Variants in ADAMTSL3 observed in about 807,000 individuals in gnomAD.
ADAMTSL3 encodes ADAMTS like 3.
A neutral mutation model predicts 201.7 loss-of-function variants in ADAMTSL3; 128 were observed. That is an observed-to-expected ratio of 0.63 (90% confidence interval 0.55 to 0.73). The LOEUF is 0.73. Among genes scored for constraint, ADAMTSL3 ranks in the 30% least tolerant of loss-of-function variants. The probability of loss-of-function intolerance (pLI) is 0.00; values close to 1 mark genes in which losing one functional copy is unlikely to be tolerated. For synonymous variants in ADAMTSL3, 738 were observed against 748.4 expected, an observed-to-expected ratio of 0.99 and a Z score of 0.23; for missense variants, 1,990 against 2,119.6, an observed-to-expected ratio of 0.94 and a Z score of 1.20.
intron 8 of ADAMTSL3, among the ~76,000 whole-genome samples, chr15:83,865,600 A>T (rs1486750250): frequency 6.6e-6 from 1 of 152,222 alleles, no homozygotes; most frequent in Non-Finnish European, 1.5e-5. Flanking sequence ...TGCACCTTAT[A>T]CAAAAATTAA....
At chr15:83,939,005 A>T (rs2066508706) in intron 17 of ADAMTSL3, among the ~76,000 whole-genome samples, 1 of 152,158 alleles carries the variant, frequency 6.6e-6, no homozygotes, top group East Asian at 1.9e-4. Flanking sequence ...ATATCTGTTA[A>T]CATTTACAAA....
chr15:83,679,038 T>G (rs2061444937), intron 2 of ADAMTSL3, among the ~76,000 whole-genome samples: 1 of 151,448 alleles, frequency 6.6e-6, no homozygotes, highest in Non-Finnish European at 1.5e-5. Context: ...ATTTTCTTTC[T>G]GTTGTTCATA....
rs1596299360 is a variant in ADAMTSL3 at position 83,838,145 on chromosome 15, C to T, written c.657C>T (p.Val219=). The T allele has an allele frequency of 6.2e-7, 1 of 1,613,444 alleles. No individual in the cohort carries two copies. The highest frequency in any genetic ancestry group is 2.2e-5 in the East Asian group (1 of 44,828). Residue 219 remains valine, a synonymous_variant, in exon 7 of 30, where the codon GTC becomes GTT. Transcript: ENST00000286744. The part of the protein sequence containing the change: ...GSNAKEDNCG[V]CAGDGSTCRL... ...ATGCCAAGGAGGACAACTGTGGAGT[C>T]TGTGCCGGCGATGGCTCCACCTGCA...
chr15:84,014,889 A>G (rs1357266540), intron 24 of ADAMTSL3, among the ~76,000 whole-genome samples, 165 bp downstream of exon 24: 1 of 151,588 alleles, frequency 6.6e-6, no homozygotes, highest in Non-Finnish European at 1.5e-5. Context: ...CTAACACCCT[A>G]TTTTACCACC....
Position 84,036,996 on chromosome 15 carries a change from A to G in ADAMTSL3, c.4969+9A>G. 1.2e-6 allele frequency: 2 copies of G among 1,612,508 alleles called. No homozygotes were observed. The highest frequency in any genetic ancestry group is 1.7e-6 in the Non-Finnish European group (2 of 1,179,370). ...TGGGCCCTCCTGTGATAGTACGTAC[A>G]CCTCCCAGGTATCTCCACTGCCCCA... On this transcript the variant is annotated intron_variant, in intron 29 of 29. Coordinates refer to ENST00000286744, the MANE Select transcript of ADAMTSL3 (RefSeq NM_207517.3).
intron 15 of ADAMTSL3, among the ~76,000 whole-genome samples, chr15:83,903,950 A>AGGGAGGGAGGGAGGGAGG (rs1567226158): frequency 2.5e-5 from 1 of 40,314 alleles, no homozygotes; most frequent in African/African-American, 1.8e-4. Flanking sequence ...AAAAAGAAAA[A>AGGGAGGGAGGGAGGGAGG]AGAAAGAAAG....
intron 9 of ADAMTSL3, 40 bp from the exon 10 acceptor site, chr15:83,885,061 C>G (rs1349357523): frequency 1.4e-6 from 2 of 1,395,546 alleles, no homozygotes; most frequent in African/African-American, 2.9e-5. Context: ...AGCACTAGCT[C>G]CTTGTTTGCA....
At chr15:83,773,967 C>T (rs2063029763) in intron 4 of ADAMTSL3, among the ~76,000 whole-genome samples, 1 of 152,106 alleles carries the variant, frequency 6.6e-6, no homozygotes, top group Non-Finnish European at 1.5e-5. Flanking sequence ...CTGAGTTCTG[C>T]CCTTGGGTTG....
At chr15:83,801,673 T>TAA (rs1567154149) in intron 4 of ADAMTSL3, among the ~76,000 whole-genome samples, 2 of 72,580 alleles carry the variant, frequency 2.8e-5, no homozygotes, top group Non-Finnish European at 6.2e-5. Context: ...TATATATATA[T>TAA]ATATATATAT....
intron 4 of ADAMTSL3, among the ~76,000 whole-genome samples, chr15:83,790,877 A>G (rs2141824437): frequency 6.6e-6 from 1 of 152,350 alleles, no homozygotes; most frequent in African/African-American, 2.4e-5. Flanking sequence ...ATAGATAACA[A>G]AATTTAAAAA....
At chr15:83,963,233 A>G (rs2067006844) in intron 19 of ADAMTSL3, among the ~76,000 whole-genome samples, 1 of 152,164 alleles carries the variant, frequency 6.6e-6, no homozygotes, top group Non-Finnish European at 1.5e-5. Context: ...ACCCCCACAG[A>G]GCCCAGCAAG....
intron 3 of ADAMTSL3, among the ~76,000 whole-genome samples, chr15:83,749,752 C>T (rs2062608496): frequency 6.6e-6 from 1 of 152,078 alleles, no homozygotes; most frequent in Non-Finnish European, 1.5e-5. Context: ...AGGAAGATGG[C>T]CATAGACTAG....
At chr15:83,714,252 G>C (rs1324729433) in intron 3 of ADAMTSL3, among the ~76,000 whole-genome samples, 1 of 152,130 alleles carries the variant, frequency 6.6e-6, no homozygotes. Flanking sequence ...AATGAAACTG[G>C]TAGCCTGAGA....
chr15:83,773,291 C>T (rs1306865704), intron 3 of ADAMTSL3, among the ~76,000 whole-genome samples: 1 of 151,782 alleles, frequency 6.6e-6, no homozygotes, highest in Non-Finnish European at 1.5e-5. Flanking sequence ...GCCTGTAATC[C>T]CAGCTACTCA....
At position 83,991,214 on chromosome 15, in the gene ADAMTSL3, G is replaced by A; in HGVS notation, c.3973G>A (p.Gly1325Ser). 1 of 1,614,154 alleles carries A rather than the reference G, an allele frequency of 6.2e-7. No individual in the cohort carries two copies. Among genetic ancestry groups the A allele is most frequent in the Non-Finnish European group, 8.5e-7 (1 of 1,180,006 alleles). Reference sequence around the variant, plus strand: ...CGTGACAATCCGATGTCCTGTAAAAGGTAAGTGTGGTCATTTCAGTGGGAG... The same window carrying A: ...CGTGACAATCCGATGTCCTGTAAAAAGTAAGTGTGGTCATTTCAGTGGGAG... ...ANVTIRCPVKGVPQPNITWLK... is the reference protein window; with the variant it reads ...ANVTIRCPVKSVPQPNITWLK... The change falls in exon 23 of 30, where the codon GGT becomes AGT. Residue 1325 changes from glycine (G) to serine (S), a missense_variant and splice_region_variant. Transcript: ENST00000286744.
rs373759521 is a variant in ADAMTSL3, at chr15:83,837,552, A to G, written c.601-537A>G. 1.2e-3 allele frequency among the ~76,000 whole-genome samples: 187 copies of G among 152,228 alleles called. 2 individuals carry two copies. The highest frequency in any genetic ancestry group is 4.2e-3 in the African/African-American group (176 of 41,558). ...TCCCAGCACTTTGGAAGGCCAAGGCAGGAGGATCACTTGAGCCCAGGAATT... is the reference window on the plus strand; with the variant it reads ...TCCCAGCACTTTGGAAGGCCAAGGCGGGAGGATCACTTGAGCCCAGGAATT... On this transcript the variant is annotated intron_variant, in intron 6 of 29. Coordinates refer to ENST00000286744, the MANE Select transcript of ADAMTSL3 (RefSeq NM_207517.3).
chr15:83,882,373 G>A (rs965328133), intron 9 of ADAMTSL3, among the ~76,000 whole-genome samples: 9 of 152,062 alleles, frequency 5.9e-5, no homozygotes, highest in Non-Finnish European at 1.3e-4. Flanking sequence ...CACACATCTT[G>A]TGTCTGGAAT....
chr15:83,740,015 T>C, intron 3 of ADAMTSL3: 1 of 386,802 alleles, frequency 2.6e-6, no homozygotes. Context: ...GTTGACAGAG[T>C]TCACACTGAC....
intron 5 of ADAMTSL3, among the ~76,000 whole-genome samples, chr15:83,810,288 T>C (rs1042076551): frequency 1.3e-5 from 2 of 152,196 alleles, no homozygotes; most frequent in African/African-American, 2.4e-5. Context: ...AATGCTGAAT[T>C]AACATTCATT....
Sources: gnomAD v4.1 joint callset for allele counts (sites outside exome capture counted in the v4.1 genomes callset) on GRCh38, gnomAD v4.1.1 for gene constraint, MANE v1.5 for transcripts, NCBI Gene and HGNC (gene_info 2026-07-23, HGNC 2026-07-21) for gene names.